Variants in DOCK5 observed in about 807,000 individuals in gnomAD.
DOCK5 encodes the protein dedicator of cytokinesis 5.
A neutral mutation model predicts 251.8 loss-of-function variants in DOCK5; 142 were observed. The observed-to-expected ratio is 0.56, with a 90% confidence interval of 0.49 to 0.65. The LOEUF is 0.65. Ranked by LOEUF, DOCK5 falls within the 30% of genes least tolerant of loss-of-function variation. The probability of loss-of-function intolerance (pLI) is 0.00; values close to 1 mark genes in which losing one functional copy is unlikely to be tolerated. For synonymous variants in DOCK5, 842 were observed against 835.5 expected (o/e 1.01, Z -0.13); for missense variants, 2,111 against 2,312.3 (o/e 0.91, Z 1.79).
chr8:25,408,886 C>T lies in DOCK5; in HGVS notation c.5350C>T (p.Gln1784Ter). 1.2e-6 allele frequency: 2 copies of T among 1,614,040 alleles called. No individual in the cohort carries two copies. Among genetic ancestry groups the T allele is most frequent in the Non-Finnish European group, 1.7e-6 (2 of 1,179,896 alleles). Residue 1784 changes from glutamine to a stop codon, truncating the protein, a stop_gained, in exon 50 of 52, where the codon CAG becomes TAG. Transcript: ENST00000276440. LOFTEE classifies it high-confidence loss of function. ...ACCATTTCACGGTTCTTCACCTCCT[C>T]AGTCAACACCCTTGAGCCCACCTCC... Reference protein sequence around the residue: ...LSPFHGSSPPQSTPLSPPPLT... With the variant: ...LSPFHGSSPP
In DOCK5 at chr8:25,317,053, TGACAAAGG is replaced by T. The variant is rs755567817; in HGVS notation, c.1368_1375del (p.Asp456GlufsTer17). The stretch of plus-strand genomic sequence containing the variant: ...ATGTCACCCTGATCCACGGTGAGTT[TGACAAAGG>T]GAAGAAGAAGACGCCAAAGAATGTG... On this transcript the variant is annotated frameshift_variant, in exon 14 of 52. Transcript: ENST00000276440. LOFTEE classifies it high-confidence loss of function. The T allele has an allele frequency of 1.2e-6, 2 of 1,613,910 alleles. No individual in the cohort carries two copies. The highest frequency in any genetic ancestry group is 1.7e-6 in the Non-Finnish European group (2 of 1,179,866).
chr8:25,399,837 T>C (rs1801406420), intron 45 of DOCK5, 74 bp from the exon 46 acceptor site: 3 of 1,143,220 alleles, frequency 2.6e-6, no homozygotes, highest in African/African-American at 1.5e-5. Flanking sequence ...ACAGGACACA[T>C]GTTTCACCCT....
intron 1 of DOCK5, among the ~76,000 whole-genome samples, chr8:25,185,334 C>T (rs1249749607): frequency 6.6e-6 from 1 of 152,160 alleles, no homozygotes; most frequent in Non-Finnish European, 1.5e-5. Context: ...AGGTGACCAG[C>T]CCGGGTCGGC....
intron 13 of DOCK5, among the ~76,000 whole-genome samples, chr8:25,311,472 G>A (rs921731253): frequency 2.6e-5 from 4 of 151,076 alleles, no homozygotes; most frequent in African/African-American, 9.7e-5. Flanking sequence ...AAAACCGGAA[G>A]GTGGAGGTTG....
intron 1 of DOCK5, among the ~76,000 whole-genome samples, chr8:25,232,263 T>G (rs763570990): frequency 0.32 from 47,874 of 151,908 alleles, 10,404 homozygotes; most frequent in African/African-American, 0.62. Context: ...CTTGGGAGGA[T>G]TCTGCAATGC....
At chr8:25,395,016 A>G (rs994090207) in intron 44 of DOCK5, among the ~76,000 whole-genome samples, 7 of 152,146 alleles carry the variant, frequency 4.6e-5, no homozygotes, top group Non-Finnish European at 8.8e-5. Flanking sequence ...CTATATTTCT[A>G]TCATTATTAT....
At chr8:25,195,833 A>G (rs565016443) in intron 1 of DOCK5, among the ~76,000 whole-genome samples, 1 of 152,320 alleles carries the variant, frequency 6.6e-6, no homozygotes, top group South Asian at 2.1e-4. Context: ...TTATGAGGAC[A>G]CGAACTCTTT....
intron 41 of DOCK5, among the ~76,000 whole-genome samples, chr8:25,389,856 T>C (rs565957534): frequency 1.3e-5 from 2 of 152,204 alleles, no homozygotes; most frequent in Non-Finnish European, 2.9e-5. Context: ...GCCTGGGCTC[T>C]GATTCTGGTG....
intron 18 of DOCK5, among the ~76,000 whole-genome samples, chr8:25,327,231 G>A (rs1045274548): frequency 1.3e-5 from 2 of 152,182 alleles, no homozygotes; most frequent in South Asian, 2.1e-4. Context: ...CACAGAAAAC[G>A]ATGAATAGGA....
chr8:25,366,908 C>T lies in DOCK5; in HGVS notation c.3162C>T (p.Leu1054=). ...NNYFHLAVAF[L]THESLQLETF... ...ACTTCCATTTGGCAGTTGCATTTCT[C>T]ACCCATGAGTCCCTTCAGCTTGAAA... Residue 1054 remains leucine (L), a synonymous_variant, in exon 31 of 52, where the codon CTC becomes CTT. Transcript: ENST00000276440. The T allele has an allele frequency of 1.2e-6, 2 of 1,613,860 alleles. No homozygotes were observed. Among genetic ancestry groups the T allele is most frequent in the Non-Finnish European group, 1.7e-6 (2 of 1,179,824 alleles).
chr8:25,236,453 T>G (rs1014340001), intron 1 of DOCK5, among the ~76,000 whole-genome samples: 5 of 152,258 alleles, frequency 3.3e-5, no homozygotes, highest in African/African-American at 1.2e-4. Context: ...TGTTTGGCCC[T>G]CTTGGATATC....
chr8:25,356,423 C>T lies in DOCK5; in HGVS notation c.2851-2540C>T, dbSNP rs113143971. Among the ~76,000 whole-genome samples the T allele has an allele frequency of 3.4e-3, 517 of 151,948 alleles. 3 individuals carry two copies. Among genetic ancestry groups the T allele is most frequent in the African/African-American group, 0.011 (476 of 41,426 alleles). Reference sequence around the variant, plus strand: ...GCTCATGCCTGTGATCCTAGCACTTCGGGAGGCTGAACCTAGCAGATTGCT... The same window carrying T: ...GCTCATGCCTGTGATCCTAGCACTTTGGGAGGCTGAACCTAGCAGATTGCT... On this transcript the variant is annotated intron_variant, in intron 27 of 51. Coordinates refer to ENST00000276440, the MANE Select transcript of DOCK5 (RefSeq NM_024940.8).
intron 26 of DOCK5, among the ~76,000 whole-genome samples, chr8:25,349,807 G>A (rs1449514718): frequency 2.0e-5 from 3 of 152,144 alleles, no homozygotes; most frequent in African/African-American, 7.2e-5. Flanking sequence ...ACTACGCATT[G>A]GGTACAGTGT....
chr8:25,286,805 A>G (rs1301852576), intron 5 of DOCK5, among the ~76,000 whole-genome samples: 33 of 152,126 alleles, frequency 2.2e-4, no homozygotes, highest in Admixed American at 2.2e-3. Context: ...CTGGGACCAC[A>G]GGCGTGCACC....
intron 1 of DOCK5, among the ~76,000 whole-genome samples, chr8:25,190,664 C>T (rs1801556556): frequency 6.6e-6 from 1 of 151,892 alleles, no homozygotes; most frequent in African/African-American, 2.4e-5. Context: ...AGTTACAGTG[C>T]CATCTGAGCA....
At chr8:25,200,094 G>A (rs1801844638) in intron 1 of DOCK5, among the ~76,000 whole-genome samples, 1 of 152,162 alleles carries the variant, frequency 6.6e-6, no homozygotes, top group Non-Finnish European at 1.5e-5. Context: ...GAATCCTAAG[G>A]GCCAAAAATG....
chr8:25,346,099 C>T (rs1215501599), intron 26 of DOCK5, among the ~76,000 whole-genome samples: 1 of 152,122 alleles, frequency 6.6e-6, no homozygotes, highest in African/African-American at 2.4e-5. Context: ...ATCCACCCAT[C>T]TCGGCCTCCC....
intron 26 of DOCK5, among the ~76,000 whole-genome samples, chr8:25,350,899 A>C (rs1304977371): frequency 2.0e-5 from 3 of 152,134 alleles, no homozygotes; most frequent in Non-Finnish European, 2.9e-5. Context: ...TTCACATATG[A>C]ATCTGGAGGA....
chr8:25,226,636 A>C (rs1802539706), intron 1 of DOCK5, among the ~76,000 whole-genome samples: 1 of 146,086 alleles, frequency 6.8e-6, no homozygotes. Flanking sequence ...CCCAGATTGG[A>C]GTGCAGTGGC....
Sources: gnomAD v4.1 joint callset for allele counts (sites outside exome capture counted in the v4.1 genomes callset) on GRCh38, gnomAD v4.1.1 for gene constraint, MANE v1.5 for transcripts, NCBI Gene and HGNC (gene_info 2026-07-23, HGNC 2026-07-21) for gene names.